The following CCDC141 variants were observed in gnomAD, a reference collection of about 807,000 sequenced individuals.
The protein encoded by CCDC141 is coiled-coil domain-containing protein 141.
In CCDC141, 168 loss-of-function variants were observed where a neutral mutation model predicts 181.0. The observed-to-expected ratio is 0.93, with a 90% CI of 0.82 to 1.05. The LOEUF (loss-of-function observed/expected upper bound fraction) is 1.05, where lower values mean the gene tolerates loss of function less well. CCDC141 is among the 50% of genes least tolerant of loss of function. CCDC141 has a pLI of 0.00. For missense variants in CCDC141, 1,902 were observed against 1,788.5 expected (o/e 1.06, Z -1.14); for synonymous variants, 666 against 642.3 (o/e 1.04, Z -0.56).
At chr2:178,893,817 A>ACACG (rs1222331836) in intron 8 of CCDC141, among the ~76,000 whole-genome samples, 6 of 138,684 alleles carry the variant, frequency 4.3e-5, no homozygotes, top group African/African-American at 1.7e-4. Flanking sequence ...ACACACACAC[A>ACACG]CACACGCACA....
In CCDC141 at chr2:178,831,267, G is replaced by T. The variant is rs1364319557; in HGVS notation, c.*2906C>A. On this transcript the variant is annotated 3_prime_UTR_variant, in exon 24 of 24. Transcript: ENST00000443758. ...TCCTTTTATTGGAAAATCAAAGCTGGAAAACTCAATGATTTTGCCTTATGA... is the reference window on the plus strand; with the variant it reads ...TCCTTTTATTGGAAAATCAAAGCTGTAAAACTCAATGATTTTGCCTTATGA... 1.3e-5 allele frequency: 2 copies of T among 152,152 alleles called. No homozygotes were observed. The highest frequency in any genetic ancestry group is 2.9e-5 in the Non-Finnish European group (2 of 68,022). 9.4% of individuals were successfully genotyped at this position (152,152 alleles called of 1,614,324 possible). A position where few individuals can be genotyped will look rare whatever the true frequency, so the allele number is the denominator to read the frequency against.
At chr2:178,905,523 T>C (rs764040820) in intron 7 of CCDC141, 22 bp from the exon 8 acceptor site, 6 of 1,533,080 alleles carry the variant, frequency 3.9e-6, no homozygotes, top group South Asian at 2.5e-5. Flanking sequence ...AACATACTTT[T>C]ATTTTCTGCT....
intron 6 of CCDC141, among the ~76,000 whole-genome samples, chr2:178,935,972 G>T (rs953305954): frequency 6.6e-6 from 1 of 151,148 alleles, no homozygotes; most frequent in Non-Finnish European, 1.5e-5. Flanking sequence ...ATTTGTTTAA[G>T]TTCCTTATAT....
chr2:178,954,295 C>T (rs1488583519), intron 5 of CCDC141, among the ~76,000 whole-genome samples: 1 of 152,160 alleles, frequency 6.6e-6, no homozygotes. Flanking sequence ...ATTAATGAGG[C>T]AGATTATCTG....
chr2:178,951,973 G>T (rs996723175), intron 5 of CCDC141, among the ~76,000 whole-genome samples: 1 of 152,210 alleles, frequency 6.6e-6, no homozygotes. Context: ...CAGTTGAACA[G>T]TATACAGGAA....
chr2:178,928,865 T>G (rs1368329777), intron 6 of CCDC141, among the ~76,000 whole-genome samples: 1 of 152,194 alleles, frequency 6.6e-6, no homozygotes, highest in Non-Finnish European at 1.5e-5. Context: ...GTTACCAATA[T>G]GAAAACCCCA....
At chr2:178,982,617 G>A (rs887419469) in intron 2 of CCDC141, among the ~76,000 whole-genome samples, 4 of 148,818 alleles carry the variant, frequency 2.7e-5, no homozygotes, top group African/African-American at 1.0e-4. Flanking sequence ...CGCACCATGT[G>A]CGAACCGAAG....
chr2:179,007,806 C>G (rs545738656), intron 2 of CCDC141, among the ~76,000 whole-genome samples: 1 of 152,306 alleles, frequency 6.6e-6, no homozygotes, highest in South Asian at 2.1e-4. Context: ...CATGCCGTGA[C>G]TGTCAAGTTT....
In CCDC141 at chr2:178,985,283, A is replaced by C. The variant is rs1365627509; in HGVS notation, c.226-6608T>G. On this transcript the variant is annotated intron_variant, in intron 2 of 23. Coordinates refer to ENST00000443758, the MANE Select transcript of CCDC141 (RefSeq NM_173648.4). Reference sequence around the variant, plus strand: ...TTGAAACCAATGAGAACAAAGACACAACATACCAGAATCTCTGGGATGCAT... The same window carrying C: ...TTGAAACCAATGAGAACAAAGACACCACATACCAGAATCTCTGGGATGCAT... Among the ~76,000 whole-genome samples the C allele has an allele frequency of 1.3e-4, 20 of 151,086 alleles. No homozygotes were observed. In the East Asian group the frequency reaches 1.4e-3, roughly 10 times the overall value.
At chr2:178,996,887 T>C (rs904316769) in intron 2 of CCDC141, among the ~76,000 whole-genome samples, 15 of 152,348 alleles carry the variant, frequency 9.8e-5, no homozygotes, top group African/African-American at 3.4e-4. Flanking sequence ...TCAAATTTCC[T>C]TGGAATTTTA....
intron 2 of CCDC141, among the ~76,000 whole-genome samples, chr2:179,044,818 T>C (rs1227743974): frequency 6.6e-6 from 1 of 152,152 alleles, no homozygotes; most frequent in African/African-American, 2.4e-5. Context: ...GTTCATGGAA[T>C]TGGGGATTCG....
chr2:178,904,291 T>C (rs1262351290), intron 8 of CCDC141, among the ~76,000 whole-genome samples: 2 of 152,202 alleles, frequency 1.3e-5, no homozygotes, highest in Admixed American at 6.5e-5. Flanking sequence ...GGATTATTTC[T>C]AATCTTAGTT....
chr2:178,952,583 C>T (rs537681892), intron 5 of CCDC141, among the ~76,000 whole-genome samples: 4 of 152,286 alleles, frequency 2.6e-5, no homozygotes, highest in Non-Finnish European at 4.4e-5. Context: ...AATAGTCATT[C>T]GCATACATTC....
At chr2:178,816,102 G>T in the CCDC141 span, among the ~76,000 whole-genome samples, 2 of 152,142 alleles carry the variant, frequency 1.3e-5, no homozygotes, top group Non-Finnish European at 2.9e-5. Context: ...CATTCTGTGG[G>T]TTTCGATTGA....
chr2:178,963,423 G>GT lies in CCDC141; in HGVS notation c.527-1941dup, dbSNP rs561425399. Among the ~76,000 whole-genome samples the GT allele has an allele frequency of 2.1e-4, 31 of 150,776 alleles. No homozygotes were observed. In the South Asian group the frequency reaches 3.3e-3, roughly 16 times the overall value. On this transcript the variant is annotated intron_variant, in intron 4 of 23. Transcript: ENST00000443758. ...AGCGTCAAATATACTGTTTTTTTTT[G>GT]TTTTTTTCAGGTTGGGGGAACTATG... is the stretch of plus-strand genomic sequence containing the variant.
At chr2:178,861,145 G>A (rs556096404) in intron 17 of CCDC141, among the ~76,000 whole-genome samples, 2 of 151,560 alleles carry the variant, frequency 1.3e-5, no homozygotes, top group East Asian at 1.9e-4. Context: ...ATCTAGACTC[G>A]AAGTTTCCTG....
intron 2 of CCDC141, among the ~76,000 whole-genome samples, chr2:178,984,846 G>C (rs1488790095): frequency 3.3e-5 from 5 of 151,986 alleles, no homozygotes; most frequent in African/African-American, 1.2e-4. Flanking sequence ...AAGAGACTTA[G>C]ACTCCCACAC....
intron 5 of CCDC141, among the ~76,000 whole-genome samples, chr2:178,955,292 AAAT>A (rs560058752): frequency 3.3e-5 from 5 of 151,654 alleles, no homozygotes; most frequent in African/African-American, 4.8e-5. Flanking sequence ...CTCAAAAAGA[AAAT>A]AATAATAATA....
chr2:178,859,743 T>C (rs1685522988), intron 17 of CCDC141, among the ~76,000 whole-genome samples: 1 of 152,252 alleles, frequency 6.6e-6, no homozygotes, highest in African/African-American at 2.4e-5. Context: ...TTAAAAACTA[T>C]AGCTATTTTG....
Sources: gnomAD v4.1 joint callset for allele counts (sites outside exome capture counted in the v4.1 genomes callset) on GRCh38, gnomAD v4.1.1 for gene constraint, MANE v1.5 for transcripts, NCBI Gene and HGNC (gene_info 2026-07-23, HGNC 2026-07-21) for gene names.